NSD2: variants seen among roughly 807,000 people sequenced by gnomAD.
The protein encoded by NSD2 is nuclear receptor binding SET domain protein 2.
In NSD2, 12 loss-of-function variants were observed where a neutral mutation model predicts 139.0. That is an observed-to-expected ratio of 0.09 (90% CI 0.06 to 0.14). The LOEUF (loss-of-function observed/expected upper bound fraction) is 0.14. NSD2 is among the 10% of genes least tolerant of loss of function. The pLI, the probability that NSD2 is intolerant of heterozygous loss-of-function variation, is 1.00. For synonymous variants in NSD2, 669 were observed against 648.7 expected, an observed-to-expected ratio of 1.03 and a Z score of -0.48; for missense variants, 1,155 against 1,745.0, an observed-to-expected ratio of 0.66 and a Z score of 6.02.
intron 5 of NSD2, among the ~76,000 whole-genome samples, chr4:1,927,925 T>C (rs2108844379): frequency 6.6e-6 from 1 of 152,150 alleles, no homozygotes; most frequent in Non-Finnish European, 1.5e-5. Context: ...AGAATCTTAC[T>C]GTTTCCCAGG....
intron 3 of NSD2, among the ~76,000 whole-genome samples, chr4:1,914,705 C>G (rs1719128719): frequency 6.6e-6 from 1 of 152,232 alleles, no homozygotes; most frequent in Non-Finnish European, 1.5e-5. Context: ...AAGAATTCCC[C>G]TAGGAATTTT....
rs777582219 is a variant in NSD2 at position 1,918,143 on chromosome 4, A to G, written c.930A>G (p.Leu310=). 13 of 1,598,570 alleles carry G rather than the reference A, an allele frequency of 8.1e-6. No homozygotes were observed. The highest frequency in any genetic ancestry group is 7.1e-5 in the Admixed American group (4 of 56,600). The change falls in exon 5 of 22, where the codon CTA becomes CTG. Residue 310 remains leucine (L), a splice_region_variant and synonymous_variant. Coordinates refer to ENST00000508803, the MANE Select transcript of NSD2 (RefSeq NM_001042424.3). ...QAPTKAEKIK[L]LKPISGKLRA... ...AGTGTCTCTTTTTTTTTTCCCAGCT[A>G]TTGAAACCAATTTCAGGGAAATTGA...
intron 1 of NSD2, among the ~76,000 whole-genome samples, chr4:1,888,408 C>CTT (rs1715277139): frequency 1.3e-5 from 1 of 74,078 alleles, no homozygotes. Flanking sequence ...GCGAGATTGC[C>CTT]TCAAAAAAAA....
In NSD2 at chr4:1,956,118, C is replaced by T; in HGVS notation, c.2811C>T (p.Phe937=). 6.2e-7 allele frequency: 1 copy of T among 1,613,886 alleles called. No individual in the cohort carries two copies. Among genetic ancestry groups the T allele is most frequent in the Non-Finnish European group, 8.5e-7 (1 of 1,180,036 alleles). Residue 937 remains phenylalanine (F), a synonymous_variant, in exon 15 of 22, where the codon TTC becomes TTT. Coordinates refer to ENST00000508803, the MANE Select transcript of NSD2 (RefSeq NM_001042424.3). This position sits in a 1 kb window ranked among gnomAD's most constrained non-coding sequence, Gnocchi z 5.3. ...ACTGGACGCATCAGGCGCGAGTGTT[C>T]CCGTACATGGAGGGGGACCGGGGCA... is the stretch of plus-strand genomic sequence containing the variant. ...DYYWTHQARV[F]PYMEGDRGSR...
At chr4:1,940,866 C>T in intron 9 of NSD2, 2 of 1,057,478 alleles carry the variant, frequency 1.9e-6, no homozygotes, top group Non-Finnish European at 2.3e-6. Flanking sequence ...CTGGGCGGGG[C>T]TCATAGAGCT....
In NSD2 at chr4:1,939,882, G is replaced by C. The variant is rs984886760; in HGVS notation, c.1881+104G>C. The C allele has an allele frequency of 1.1e-5, 17 of 1,588,134 alleles. No homozygotes were observed. In the Admixed American group the frequency reaches 2.9e-4, roughly 27 times the overall value. On this transcript the variant is annotated intron_variant, in intron 9 of 21. Coordinates refer to ENST00000508803, the MANE Select transcript of NSD2 (RefSeq NM_001042424.3). Reference sequence around the variant, plus strand: ...CTCAGACTTCATAAGCGCAGCATTGGTGCTCACTGCCAGTGCAGATGTTTT... The same window carrying C: ...CTCAGACTTCATAAGCGCAGCATTGCTGCTCACTGCCAGTGCAGATGTTTT...
intron 21 of NSD2, among the ~76,000 whole-genome samples, chr4:1,977,894 A>G (rs774166527): frequency 6.6e-6 from 1 of 152,086 alleles, no homozygotes; most frequent in Non-Finnish European, 1.5e-5. Context: ...TGAGAGGCCA[A>G]GGTGGATGGA....
intron 7 of NSD2, 64 bp from the exon 8 acceptor site, chr4:1,938,387 C>A: frequency 4.6e-6 from 5 of 1,092,308 alleles, no homozygotes; most frequent in Non-Finnish European, 5.9e-6. Flanking sequence ...CTTTTTTTTT[C>A]CTTTTTTTCT....
rs1418756782 is a variant in NSD2, at chr4:1,898,665, AAAAAAAC to A, written c.-29-1945_-29-1939del. Reference sequence around the variant, plus strand: ...ACAGAGCGAGACTCCGTCTAAAAAAAAAAAAACAAAAAACAAAAAACACACTTTTTTT... The same window carrying A: ...ACAGAGCGAGACTCCGTCTAAAAAAAAAAAAACAAAAAACACACTTTTTTT... On this transcript the variant is annotated intron_variant, in intron 1 of 21. Coordinates refer to ENST00000508803, the MANE Select transcript of NSD2 (RefSeq NM_001042424.3). Among the ~76,000 whole-genome samples, 1,335 of 149,638 alleles carry A rather than the reference AAAAAAAC, an allele frequency of 8.9e-3. 26 individuals are homozygous for A. Among genetic ancestry groups the A allele is most frequent in the African/African-American group, 0.03 (1,221 of 40,608 alleles).
At chr4:1,886,051 G>A (rs1190411923) in intron 1 of NSD2, among the ~76,000 whole-genome samples, 2 of 152,144 alleles carry the variant, frequency 1.3e-5, no homozygotes. Flanking sequence ...CCAAAATGTT[G>A]AAGCATATTT....
rs1560757988 is a variant in NSD2 at position 1,955,392 on chromosome 4, C to T, written c.2518+52C>T. The T allele has an allele frequency of 7.7e-6, 12 of 1,560,356 alleles. No individual in the cohort carries two copies. The East Asian group carries it at 2.8e-4, about 36-fold the overall frequency. ...ACACGCCTCTCACACTCCCAGGAGC[C>T]ACATATCAAGGCAGGCTCATTCCTT... is the stretch of plus-strand genomic sequence containing the variant. On this transcript the variant is annotated intron_variant, in intron 13 of 21. Transcript: ENST00000508803. This position sits in a 1 kb window ranked among gnomAD's most constrained non-coding sequence, Gnocchi z 4.7.
At position 1,964,635 on chromosome 4, in the gene NSD2, GC is replaced by G. The variant is rs577869173; in HGVS notation, c.3372+3486del. On this transcript the variant is annotated intron_variant, in intron 18 of 21. Transcript: ENST00000508803. ...TGCAGACAAAGAGGTGCGCTGCGCT[GC>G]CGTTGTTATCACACCTCCCTCAGTC... 1.3e-4 allele frequency among the ~76,000 whole-genome samples: 20 copies of G among 152,148 alleles called. No individual in the cohort carries two copies. In the South Asian group the frequency reaches 4.1e-3, roughly 32 times the overall value.
At position 1,978,798 on chromosome 4, in the gene NSD2, G is replaced by A. The variant is rs1270862926; in HGVS notation, c.3987G>A (p.Gly1329=). 9.3e-6 allele frequency: 15 copies of A among 1,612,790 alleles called. No individual in the cohort carries two copies. Among genetic ancestry groups the A allele is most frequent in the Non-Finnish European group, 1.3e-5 (15 of 1,179,014 alleles). The change falls in exon 22 of 22, where the codon GGG becomes GGA. Residue 1329 remains glycine (G), a synonymous_variant. Coordinates refer to ENST00000508803, the MANE Select transcript of NSD2 (RefSeq NM_001042424.3). The part of the protein sequence containing the change: ...GRSYCCEHDL[G]AASVRSTKTE... ...CCTACTGCTGTGAGCATGACTTAGG[G>A]GCGGCATCGGTCAGAAGCACCAAGA...
At chr4:1,889,742 G>T (rs1173806444) in intron 1 of NSD2, among the ~76,000 whole-genome samples, 1 of 151,996 alleles carries the variant, frequency 6.6e-6, no homozygotes, top group Admixed American at 6.6e-5. Flanking sequence ...CCTGACCTCA[G>T]GTGATACACC....
chr4:1,899,026 G>A (rs1337000671), intron 1 of NSD2, among the ~76,000 whole-genome samples: 2 of 152,152 alleles, frequency 1.3e-5, no homozygotes, highest in Non-Finnish European at 2.9e-5. Flanking sequence ...TTTACCTTGG[G>A]ACAGTTGGTA....
In NSD2 at chr4:1,974,895, C is replaced by T. The variant is rs754103431; in HGVS notation, c.3405C>T (p.Asn1135=). 5 of 1,614,114 alleles carry T rather than the reference C, an allele frequency of 3.1e-6. No homozygotes were observed. The Admixed American group carries it at 6.7e-5, about 22-fold the overall frequency. Residue 1135 remains asparagine (N), a synonymous_variant, in exon 19 of 22, where the codon AAC becomes AAT. Coordinates refer to ENST00000508803, the MANE Select transcript of NSD2 (RefSeq NM_001042424.3). The surrounding 1 kb of genome is among the most constrained non-coding windows in gnomAD (Gnocchi z 4.0). The stretch of plus-strand genomic sequence containing the variant: ...TAATAGACGCTGGCCCCAAAGGAAA[C>T]TACTCTCGATTTATGAATCACAGCT... ...DRIIDAGPKG[N]YSRFMNHSCQ...
At position 1,966,777 on chromosome 4, in the gene NSD2, A is replaced by T. The variant is rs185505217; in HGVS notation, c.3372+5626A>T. Among the ~76,000 whole-genome samples, 760 of 152,294 alleles carry T rather than the reference A, an allele frequency of 5.0e-3. 5 individuals carry two copies. The highest frequency in any genetic ancestry group is 7.4e-3 in the Non-Finnish European group (505 of 68,036). Reference sequence around the variant, plus strand: ...TCTATATAATTTAAGCTACTCATGTATTACTAGTTTTACTCATGAATTACT... The same window carrying T: ...TCTATATAATTTAAGCTACTCATGTTTTACTAGTTTTACTCATGAATTACT... On this transcript the variant is annotated intron_variant, in intron 18 of 21. Transcript: ENST00000508803.
Position 1,956,226 on chromosome 4 carries a change from T to A in NSD2, c.2881+38T>A. On this transcript the variant is annotated intron_variant, in intron 15 of 21. Transcript: ENST00000508803. The surrounding 1 kb of genome is among the most constrained non-coding windows in gnomAD (Gnocchi z 5.3). The stretch of plus-strand genomic sequence containing the variant: ...TCAGATAGAGAGTGAGACAGCACTC[T>A]CGTGCATTTTCTTACCCCTAATTTC... 6.6e-7 allele frequency: 1 copy of A among 1,515,022 alleles called. No individual in the cohort carries two copies. The highest frequency in any genetic ancestry group is 1.4e-5 in the African/African-American group (1 of 71,654). 93.8% of individuals were successfully genotyped at this position (1,515,022 alleles called of 1,614,324 possible).
intron 1 of NSD2, among the ~76,000 whole-genome samples, chr4:1,896,708 CTCCTTCCTTCCTT>C (rs2108729307): frequency 6.8e-6 from 1 of 146,608 alleles, no homozygotes; most frequent in South Asian, 2.2e-4. Context: ...TTCCATTCCT[CTCCTTCCTTCCTT>C]TCCTTCCTTC....
Sources: gnomAD v4.1 joint callset for allele counts (sites outside exome capture counted in the v4.1 genomes callset) on GRCh38, gnomAD v4.1.1 for gene constraint, Gnocchi (gnomAD v3.1) non-coding constraint, MANE v1.5 for transcripts, NCBI Gene and HGNC (gene_info 2026-07-23, HGNC 2026-07-21) for gene names.